The following PSMB7 variants were observed in gnomAD, a reference collection of about 807,000 sequenced individuals.
PSMB7 encodes the protein proteasome 20S subunit beta 7, also known as proteasome subunit beta type-7.
Under a neutral mutation model 28.1 loss-of-function variants are expected in PSMB7, and 5 were observed. The ratio of observed to expected loss-of-function variants is 0.18; its 90% CI spans 0.09 to 0.37. The LOEUF (loss-of-function observed/expected upper bound fraction) is 0.37, where lower values mean the gene tolerates loss of function less well. Ranked by LOEUF, PSMB7 falls within the 10% of genes least tolerant of loss-of-function variation. The probability of loss-of-function intolerance (pLI) is 1.00; values close to 1 mark genes in which losing one functional copy is unlikely to be tolerated. For missense variants in PSMB7, 275 were observed against 346.2 expected, an observed-to-expected ratio of 0.79 and a Z score of 1.63; for synonymous variants, 122 against 123.7, an observed-to-expected ratio of 0.99 and a Z score of 0.09.
At chr9:124,401,005 A>G (rs1055958023) in intron 5 of PSMB7, among the ~76,000 whole-genome samples, 1 of 152,226 alleles carries the variant, frequency 6.6e-6, no homozygotes, top group African/African-American at 2.4e-5. Flanking sequence ...ACGAGTTAAT[A>G]GTAAGGGAAG....
chr9:124,393,430 CTCA>C (rs1243336985), intron 5 of PSMB7, among the ~76,000 whole-genome samples: 1 of 152,178 alleles, frequency 6.6e-6, no homozygotes, highest in East Asian at 1.9e-4. Flanking sequence ...ATTTAAACCC[CTCA>C]TGAGGGAGAA....
chr9:124,412,966 T>C lies in PSMB7; in HGVS notation c.255-474A>G, dbSNP rs574904126. Among the ~76,000 whole-genome samples, 5 of 151,590 alleles carry C rather than the reference T, an allele frequency of 3.3e-5. No individual in the cohort carries two copies. In the South Asian group the frequency reaches 8.4e-4, roughly 25 times the overall value. On this transcript the variant is annotated intron_variant, in intron 3 of 7. Transcript: ENST00000259457. Reference sequence around the variant, plus strand: ...CATAATTTAATACACAGTAATAGCATAGGTACAAAATCCTACGGGAAACCG... The same window carrying C: ...CATAATTTAATACACAGTAATAGCACAGGTACAAAATCCTACGGGAAACCG...
At chr9:124,384,349 T>C (rs1343070780) in intron 6 of PSMB7, 12 of 439,202 alleles carry the variant, frequency 2.7e-5, no homozygotes, top group Non-Finnish European at 2.8e-5. Flanking sequence ...TCAAGAAGAT[T>C]CCTAGACAGC....
At chr9:124,385,054 C>T (rs1032236109) in intron 5 of PSMB7, among the ~76,000 whole-genome samples, 5 of 152,210 alleles carry the variant, frequency 3.3e-5, no homozygotes, top group Non-Finnish European at 7.3e-5. Context: ...CTGGGTATAG[C>T]GCTAAATACC....
At chr9:124,405,139 C>T (rs4838171) in intron 5 of PSMB7, among the ~76,000 whole-genome samples, 178 bp downstream of exon 5, 9,820 of 152,126 alleles carry the variant, frequency 0.065, 928 homozygotes, top group East Asian at 0.45. Flanking sequence ...GTGTTGACTG[C>T]TATATAGCAA....
chr9:124,368,039 A>G (rs979451009), intron 6 of PSMB7, among the ~76,000 whole-genome samples: 3 of 152,256 alleles, frequency 2.0e-5, no homozygotes, highest in African/African-American at 7.2e-5. Flanking sequence ...TCATATGCAC[A>G]TCTTCCATGT....
At chr9:124,366,622 T>C (rs1830511147) in intron 6 of PSMB7, among the ~76,000 whole-genome samples, 1 of 152,212 alleles carries the variant, frequency 6.6e-6, no homozygotes, top group African/African-American at 2.4e-5. Context: ...TAGTGTACAG[T>C]AACACCCTAG....
intron 5 of PSMB7, among the ~76,000 whole-genome samples, chr9:124,397,596 C>T (rs1830855728): frequency 6.6e-6 from 1 of 152,166 alleles, no homozygotes; most frequent in South Asian, 2.1e-4. Flanking sequence ...TAATTTATAG[C>T]TTCCAGCTCT....
chr9:124,355,677 G>A lies in PSMB7; in HGVS notation c.722+1087C>T, dbSNP rs143101588. On this transcript the variant is annotated intron_variant, in intron 7 of 7. Coordinates refer to ENST00000259457, the MANE Select transcript of PSMB7 (RefSeq NM_002799.4). ...TCCTGCTAAAGGCCCGAGGGACTTC[G>A]TGGGCTCATTAGAGGTCATCTGGTT... 9.2e-4 allele frequency among the ~76,000 whole-genome samples: 140 copies of A among 152,316 alleles called. 1 individual carries two copies. Among genetic ancestry groups the A allele is most frequent in the Non-Finnish European group, 1.7e-3 (114 of 68,024 alleles).
intron 5 of PSMB7, among the ~76,000 whole-genome samples, chr9:124,387,159 T>C (rs1212045218): frequency 6.6e-6 from 1 of 152,058 alleles, no homozygotes; most frequent in Non-Finnish European, 1.5e-5. Context: ...GGCAGGAGAA[T>C]GGCATGAACC....
chr9:124,387,685 T>C (rs940315939), intron 5 of PSMB7, among the ~76,000 whole-genome samples: 4 of 152,198 alleles, frequency 2.6e-5, no homozygotes, highest in African/African-American at 9.7e-5. Context: ...AAGGAGGACT[T>C]TGGCGCCCCC....
At chr9:124,360,073 C>A (rs1453251197) in intron 6 of PSMB7, among the ~76,000 whole-genome samples, 1 of 152,210 alleles carries the variant, frequency 6.6e-6, no homozygotes, top group African/African-American at 2.4e-5. Context: ...CTGTCTCTGA[C>A]TACAGTATTT....
At chr9:124,407,893 T>C (rs1830983409) in intron 4 of PSMB7, among the ~76,000 whole-genome samples, 2 of 152,134 alleles carry the variant, frequency 1.3e-5, no homozygotes, top group Admixed American at 6.5e-5. Flanking sequence ...ACACCTGTAA[T>C]CCCAAAACCT....
rs1830410995 is a variant in PSMB7 at position 124,356,683 on chromosome 9, ACTC to A, written c.722+78_722+80del. 13 of 1,462,730 alleles carry A rather than the reference ACTC, an allele frequency of 8.9e-6. No homozygotes were observed. The highest frequency in any genetic ancestry group is 1.1e-5 in the Non-Finnish European group (12 of 1,072,842). The allele number at this position is 1,462,730 out of a possible 1,614,324, so 90.6% of individuals were successfully genotyped here. A position where few individuals can be genotyped will look rare whatever the true frequency, so the allele number is the denominator to read the frequency against. The stretch of plus-strand genomic sequence containing the variant: ...ACTTAATGTGGAAAGAACCAGGAAA[ACTC>A]CATCCAGATGCCATGGAGATACCAA... On this transcript the variant is annotated intron_variant, in intron 7 of 7. Coordinates refer to ENST00000259457, the MANE Select transcript of PSMB7 (RefSeq NM_002799.4). This position sits in a 1 kb window ranked among gnomAD's most constrained non-coding sequence, Gnocchi z 4.4.
intron 4 of PSMB7, 139 bp downstream of exon 4, chr9:124,412,213 T>TTA: frequency 1.1e-6 from 1 of 942,218 alleles, no homozygotes; most frequent in Non-Finnish European, 1.6e-6. Flanking sequence ...AAAATGGCTC[T>TTA]TTAATATAAC....
At chr9:124,385,611 AT>A (rs1001651432) in intron 5 of PSMB7, among the ~76,000 whole-genome samples, 2 of 152,198 alleles carry the variant, frequency 1.3e-5, no homozygotes, top group African/African-American at 4.8e-5. Flanking sequence ...TTTTTTTGGC[AT>A]TTATTACTTT....
At chr9:124,415,312 C>A in intron 1 of PSMB7, 52 bp downstream of exon 1, 1 of 1,575,388 alleles carries the variant, frequency 6.3e-7, no homozygotes, top group Non-Finnish European at 8.7e-7. Flanking sequence ...AGCTCCCACC[C>A]GAGCACCGCA....
At chr9:124,389,086 A>G (rs1323760) in intron 5 of PSMB7, among the ~76,000 whole-genome samples, 11,192 of 152,300 alleles carry the variant, frequency 0.073, 1,031 homozygotes, top group East Asian at 0.46. Context: ...AAATGCCTGG[A>G]TAAGGTGTAA....
At chr9:124,414,394 T>C (rs542014519) in intron 2 of PSMB7, among the ~76,000 whole-genome samples, 1 of 152,298 alleles carries the variant, frequency 6.6e-6, no homozygotes, top group South Asian at 2.1e-4. Flanking sequence ...CAGGTAATCA[T>C]TATCCCTTTT....
Sources: allele counts gnomAD v4.1 joint callset (sites outside exome capture counted in the v4.1 genomes callset), GRCh38; gene constraint gnomAD v4.1.1; non-coding constraint Gnocchi (gnomAD v3.1); transcripts MANE v1.5; gene names NCBI Gene and HGNC (gene_info 2026-07-23, HGNC 2026-07-21).